The following HS3ST2 variants were observed in gnomAD, a reference collection of about 807,000 sequenced individuals.
The protein encoded by HS3ST2 is heparan sulfate-glucosamine 3-sulfotransferase 2, also known as heparan sulfate glucosamine 3-O-sulfotransferase 2.
A neutral mutation model predicts 26.3 loss-of-function variants in HS3ST2; 17 were observed. The ratio of observed to expected loss-of-function variants is 0.65; its 90% CI spans 0.44 to 0.97. The LOEUF is 0.97. Ranked by LOEUF, HS3ST2 falls within the 50% of genes least tolerant of loss-of-function variation. The pLI is 0.00. For missense variants in HS3ST2, 402 were observed against 501.2 expected (o/e 0.80, Z 1.89); for synonymous variants, 237 against 219.2 (o/e 1.08, Z -0.72).
chr16:22,819,336 C>T (rs1012642347), intron 1 of HS3ST2, among the ~76,000 whole-genome samples: 2 of 152,028 alleles, frequency 1.3e-5, no homozygotes, highest in African/African-American at 4.8e-5. Context: ...AGACTATCTA[C>T]ATGAAAATGT....
chr16:22,885,249 T>C (rs897692776), intron 1 of HS3ST2, among the ~76,000 whole-genome samples: 62 of 152,208 alleles, frequency 4.1e-4, no homozygotes, highest in African/African-American at 1.5e-3. Flanking sequence ...TGCCCCAACT[T>C]TGTTTCTGTA....
intron 1 of HS3ST2, among the ~76,000 whole-genome samples, chr16:22,862,445 T>C (rs1162945181): frequency 6.6e-6 from 1 of 152,208 alleles, no homozygotes; most frequent in African/African-American, 2.4e-5. Context: ...AGCTGTTCAA[T>C]ATAGTCATGT....
chr16:22,882,285 C>G (rs1901999268), intron 1 of HS3ST2, among the ~76,000 whole-genome samples: 1 of 152,090 alleles, frequency 6.6e-6, no homozygotes, highest in African/African-American at 2.4e-5. Context: ...TCAATTGAGC[C>G]TGGGATGTTG....
At chr16:22,864,479 C>T (rs6497609) in intron 1 of HS3ST2, among the ~76,000 whole-genome samples, 48,043 of 151,908 alleles carry the variant, frequency 0.32, 11,559 homozygotes, top group African/African-American at 0.66. Context: ...CCAGGAGAGA[C>T]TGTTTGATGT....
At chr16:22,854,152 G>A (rs1319831757) in intron 1 of HS3ST2, among the ~76,000 whole-genome samples, 1 of 152,174 alleles carries the variant, frequency 6.6e-6, no homozygotes, top group African/African-American at 2.4e-5. Context: ...CAACTTGGTT[G>A]TGTGTGTAGA....
chr16:22,910,037 C>CAAAAA lies in HS3ST2; in HGVS notation c.486-4894_486-4890dup, dbSNP rs774757407. 4.7e-3 allele frequency among the ~76,000 whole-genome samples: 454 copies of CAAAAA among 97,030 alleles called. 12 individuals carry two copies. The highest frequency in any genetic ancestry group is 0.016 in the African/African-American group (400 of 25,584). The allele number at this position is 97,030 out of a possible 152,430, so 63.7% of individuals were successfully genotyped here. A position where few individuals can be genotyped will look rare whatever the true frequency, so the allele number is the denominator to read the frequency against. On this transcript the variant is annotated intron_variant, in intron 1 of 1. Coordinates refer to ENST00000261374, the MANE Select transcript of HS3ST2 (RefSeq NM_006043.2). ...GGGCAACAAGAGCAAAACTCCATCTCAAAAAAAAAAAAAAAAAGAAAGAAA... is the reference window on the plus strand; with the variant it reads ...GGGCAACAAGAGCAAAACTCCATCTCAAAAAAAAAAAAAAAAAAAAAAGAAAGAAA...
chr16:22,893,869 C>A (rs1376584796), intron 1 of HS3ST2, among the ~76,000 whole-genome samples: 4 of 152,086 alleles, frequency 2.6e-5, no homozygotes, highest in African/African-American at 9.7e-5. Context: ...CTCACTGCAG[C>A]CTCAACCGCC....
intron 1 of HS3ST2, among the ~76,000 whole-genome samples, chr16:22,871,464 A>G (rs1288030751): frequency 6.6e-6 from 1 of 152,196 alleles, no homozygotes; most frequent in Non-Finnish European, 1.5e-5. Context: ...CTAAGCTACA[A>G]TGTTTACTAG....
At chr16:22,851,528 T>G (rs1315521330) in intron 1 of HS3ST2, among the ~76,000 whole-genome samples, 1 of 152,136 alleles carries the variant, frequency 6.6e-6, no homozygotes, top group African/African-American at 2.4e-5. Flanking sequence ...ACTGGAGTGG[T>G]ATAGCCATAA....
At chr16:22,835,831 C>T (rs149064629) in intron 1 of HS3ST2, among the ~76,000 whole-genome samples, 207 of 152,232 alleles carry the variant, frequency 1.4e-3, no homozygotes, top group African/African-American at 4.6e-3. Context: ...AAGCTACACT[C>T]AGCAGCAACT....
At chr16:22,895,328 G>C (rs208612) in intron 1 of HS3ST2, among the ~76,000 whole-genome samples, 69,449 of 151,904 alleles carry the variant, frequency 0.46, 16,471 homozygotes, top group Admixed American at 0.55. Flanking sequence ...GACCTCAGGT[G>C]ATCCGCCTGC....
intron 1 of HS3ST2, among the ~76,000 whole-genome samples, chr16:22,857,878 T>C (rs1295033840): frequency 2.0e-5 from 3 of 152,160 alleles, no homozygotes; most frequent in African/African-American, 7.2e-5. Flanking sequence ...GTTTCAGAGC[T>C]TCCATTTCCA....
intron 1 of HS3ST2, 124 bp downstream of exon 1, chr16:22,815,219 C>A: frequency 7.8e-7 from 1 of 1,277,064 alleles, no homozygotes; most frequent in Non-Finnish European, 1.1e-6. Flanking sequence ...GGCTGACACA[C>A]AGGGCCATGG....
rs374475684 is a variant in HS3ST2 at position 22,915,019 on chromosome 16, T to C, written c.561T>C (p.Ala187=). The C allele has an allele frequency of 1.5e-5, 25 of 1,613,858 alleles. No homozygotes were observed. Among genetic ancestry groups the C allele is most frequent in the Non-Finnish European group, 2.0e-5 (24 of 1,180,006 alleles). ...CCAGCTACTTTGTCACTCAAGAGGCTCCTCGACGCATCTTCAACATGTCCC... is the reference window on the plus strand; with the variant it reads ...CCAGCTACTTTGTCACTCAAGAGGCCCCTCGACGCATCTTCAACATGTCCC... ...KTPSYFVTQE[A]PRRIFNMSRD... is the part of the protein sequence containing the mutation. The change falls in exon 2 of 2, where the codon GCT becomes GCC. Residue 187 remains alanine (A), a synonymous_variant. Transcript: ENST00000261374.
intron 1 of HS3ST2, among the ~76,000 whole-genome samples, chr16:22,855,489 C>T (rs1225458061): frequency 6.6e-6 from 1 of 152,210 alleles, no homozygotes; most frequent in Admixed American, 6.5e-5. Context: ...ATTCCTGCTG[C>T]CTTGGGAAAT....
intron 1 of HS3ST2, among the ~76,000 whole-genome samples, chr16:22,866,323 G>GCA (rs1567491691): frequency 6.7e-6 from 1 of 148,178 alleles, no homozygotes; most frequent in East Asian, 2.0e-4. Flanking sequence ...ACGTGCGCGC[G>GCA]CGCGCACACA....
At chr16:22,833,209 C>T (rs1901201008) in intron 1 of HS3ST2, 2 of 456,012 alleles carry the variant, frequency 4.4e-6, no homozygotes, top group Non-Finnish European at 8.8e-6. Flanking sequence ...ATCCACAAGG[C>T]ACCCCTGCAT....
chr16:22,892,431 G>T (rs1444388345), intron 1 of HS3ST2, among the ~76,000 whole-genome samples: 4 of 152,064 alleles, frequency 2.6e-5, no homozygotes, highest in Admixed American at 2.6e-4. Flanking sequence ...ACCAGTTATT[G>T]TGCATATGAA....
chr16:22,880,627 G>T (rs142714927), intron 1 of HS3ST2, among the ~76,000 whole-genome samples: 58 of 152,272 alleles, frequency 3.8e-4, no homozygotes, highest in Admixed American at 1.1e-3. Context: ...AGGCTGAGGA[G>T]TGTACAGCAC....
Sources: allele counts gnomAD v4.1 joint callset (sites outside exome capture counted in the v4.1 genomes callset), GRCh38; gene constraint gnomAD v4.1.1; transcripts MANE v1.5; gene names NCBI Gene and HGNC (gene_info 2026-07-23, HGNC 2026-07-21).